Variants in PLXNA1 observed in about 807,000 individuals in gnomAD.
PLXNA1 encodes the protein plexin A1.
A neutral mutation model predicts 191.7 loss-of-function variants in PLXNA1; 77 were observed. That is an observed-to-expected ratio of 0.40 (90% CI 0.33 to 0.49). The LOEUF (loss-of-function observed/expected upper bound fraction) is 0.49. PLXNA1 is among the 20% of genes least tolerant of loss of function. PLXNA1 has a pLI of 0.63. For missense variants in PLXNA1, 2,110 were observed against 2,660.2 expected (o/e 0.79, Z 4.55); for synonymous variants, 1,137 against 1,156.4 (o/e 0.98, Z 0.34).
chr3:127,020,143 T>A, intron 20 of PLXNA1, 59 bp from the exon 21 acceptor site: 2 of 1,590,160 alleles, frequency 1.3e-6, no homozygotes, highest in East Asian at 4.5e-5. Context: ...AGTGGGAGGG[T>A]TGGGGCATGG....
At chr3:126,994,630 T>C (rs1263404056) in intron 3 of PLXNA1, among the ~76,000 whole-genome samples, 1 of 152,174 alleles carries the variant, frequency 6.6e-6, no homozygotes, top group African/African-American at 2.4e-5. Flanking sequence ...GAAGGATGCT[T>C]GCTCCCCGCT....
At chr3:127,018,241 C>T in intron 19 of PLXNA1, 53 bp from the exon 20 acceptor site, 1 of 1,490,930 alleles carries the variant, frequency 6.7e-7, no homozygotes, top group Non-Finnish European at 9.1e-7. Context: ...GAGGGGCTCC[C>T]AAGCTTTGTG....
intron 14 of PLXNA1, 90 bp downstream of exon 14, chr3:127,014,921 C>T: frequency 6.6e-7 from 1 of 1,523,608 alleles, no homozygotes; most frequent in Non-Finnish European, 8.8e-7. Flanking sequence ...GGCCCCTTGT[C>T]TGGCCATGCT....
At position 127,033,999 on chromosome 3, in the gene PLXNA1, G is replaced by A. The variant is rs368450040; in HGVS notation, c.5673G>A (p.Thr1891=). Residue 1891 remains threonine (T), a synonymous_variant, in exon 32 of 32, where the codon ACG becomes ACA. Transcript: ENST00000393409. ...GCAAGCTGGAGCAGGTGGTGGACAC[G>A]ATGGCCCTGAGCAGCTGAGCCCCAG... ...LRSKLEQVVD[T]MALSS is the part of the protein sequence containing the mutation. 11 of 1,602,312 alleles carry A rather than the reference G, an allele frequency of 6.9e-6. No individual in the cohort carries two copies. Among genetic ancestry groups the A allele is most frequent in the South Asian group, 4.5e-5 (4 of 88,392 alleles).
intron 3 of PLXNA1, among the ~76,000 whole-genome samples, chr3:127,000,475 C>T (rs2079034971): frequency 6.6e-6 from 1 of 152,186 alleles, no homozygotes; most frequent in Admixed American, 6.5e-5. Flanking sequence ...CCCGCTCTGG[C>T]CCCAGGTTCA....
rs934177955 is a variant in PLXNA1, at chr3:127,020,338, G to A, written c.4032G>A (p.Glu1344=). The change falls in exon 21 of 32, where the codon GAG becomes GAA. Residue 1344 remains glutamate (E), a synonymous_variant. Transcript: ENST00000393409. ...TCGAGGACCACCCTGTGCTCAAGGA[G>A]ATGGAGGTAGGACCACTGGCTCCGG... is the stretch of plus-strand genomic sequence containing the variant. ...PGIEDHPVLK[E]MEVQANVEKS... 3.7e-6 allele frequency: 6 copies of A among 1,612,722 alleles called. No homozygotes were observed. The highest frequency in any genetic ancestry group is 4.2e-6 in the Non-Finnish European group (5 of 1,179,868).
intron 9 of PLXNA1, 80 bp downstream of exon 9, chr3:127,007,993 T>A: frequency 1.1e-6 from 1 of 931,056 alleles, no homozygotes; most frequent in Non-Finnish European, 1.7e-6. Flanking sequence ...GGGTGTCGCC[T>A]GAGGCCTGGC....
rs74642884 is a variant in PLXNA1 at position 126,992,315 on chromosome 3, A to C, written c.1377+749A>C. 4.1e-4 allele frequency among the ~76,000 whole-genome samples: 63 copies of C among 152,074 alleles called. No homozygotes were observed. The East Asian group carries it at 0.012, about 29-fold the overall frequency. Reference sequence around the variant, plus strand: ...CCCGGAGAGACTGAAGGGTGGGGATACTTGGACACCCCAGAGGCCCAGTGG... The same window carrying C: ...CCCGGAGAGACTGAAGGGTGGGGATCCTTGGACACCCCAGAGGCCCAGTGG... On this transcript the variant is annotated intron_variant, in intron 3 of 31. Transcript: ENST00000393409.
In PLXNA1 at chr3:127,029,027, G is replaced by T. The variant is rs146238434; in HGVS notation, c.4704G>T (p.Leu1568=). ...WRQGRMARII[L]QDEDVTTKID... ...AGGGCCGCATGGCGCGCATCATCCT[G>T]CAGGACGAGGACGTCACCACCAAGA... Residue 1568 remains leucine, a synonymous_variant, in exon 26 of 32, where the codon CTG becomes CTT. Transcript: ENST00000393409. 6 of 1,613,554 alleles carry T rather than the reference G, an allele frequency of 3.7e-6. No homozygotes were observed. The highest frequency in any genetic ancestry group is 4.2e-6 in the Non-Finnish European group (5 of 1,179,928).
Position 127,033,952 on chromosome 3 carries a change from G to T in PLXNA1, c.5626G>T (p.Ala1876Ser). The T allele has an allele frequency of 6.2e-7, 1 of 1,605,858 alleles. No homozygotes were observed. Among genetic ancestry groups the T allele is most frequent in the Non-Finnish European group, 8.5e-7 (1 of 1,177,536 alleles). Residue 1876 changes from alanine to serine, a missense_variant, in exon 32 of 32, where the codon GCG becomes TCG. Ala to Ser is a moderately conservative substitution (Grantham distance 99). Transcript: ENST00000393409. ...ILAALEKDEQARRQRLRSKLE... is the reference protein window; with the variant it reads ...ILAALEKDEQSRRQRLRSKLE... Reference sequence around the variant, plus strand: ...GGCAGCCCTGGAGAAGGATGAGCAGGCGCGGCGGCAGCGGCTGCGGAGCAA... The same window carrying T: ...GGCAGCCCTGGAGAAGGATGAGCAGTCGCGGCGGCAGCGGCTGCGGAGCAA...
At chr3:127,018,565 C>T in intron 20 of PLXNA1, 37 bp downstream of exon 20, 1 of 1,537,310 alleles carries the variant, frequency 6.5e-7, no homozygotes, top group African/African-American at 1.4e-5. Flanking sequence ...GCAACTGCCA[C>T]CTCCGAGCCA....
intron 3 of PLXNA1, among the ~76,000 whole-genome samples, chr3:126,995,937 G>A (rs1228674407): frequency 2.0e-5 from 3 of 152,282 alleles, no homozygotes; most frequent in African/African-American, 4.8e-5. Flanking sequence ...TCCCTGTGGC[G>A]GTCCCTGCAC....
intron 7 of PLXNA1, 117 bp downstream of exon 7, chr3:127,005,360 G>A: frequency 1.0e-5 from 13 of 1,292,108 alleles, no homozygotes; most frequent in Non-Finnish European, 1.4e-5. Context: ...GTGACACTCT[G>A]ACAGCTGATA....
Position 127,028,177 on chromosome 3 carries a change from G to A in PLXNA1, c.4510-4G>A, listed in dbSNP as rs75945701. On this transcript the variant is annotated splice_region_variant and splice_polypyrimidine_tract_variant and intron_variant, in intron 24 of 31. Transcript: ENST00000393409. ...GCTGCCCCCTTGCTCCACCCCGCCC[G>A]CAGACCCTGAACTGTGTGAACCCTG... The A allele has an allele frequency of 7.4e-4, 1,192 of 1,612,692 alleles. 5 individuals carry two copies. The African/African-American group carries it at 0.012, about 17-fold the overall frequency.
At chr3:126,994,886 C>T (rs1480420005) in intron 3 of PLXNA1, among the ~76,000 whole-genome samples, 1 of 152,042 alleles carries the variant, frequency 6.6e-6, no homozygotes, top group African/African-American at 2.4e-5. Flanking sequence ...CTTCTCCTTC[C>T]CTGAGGCAGC....
In PLXNA1 at chr3:127,029,877, G is replaced by T; in HGVS notation, c.4874G>T (p.Ser1625Ile). The T allele has an allele frequency of 6.2e-7, 1 of 1,606,374 alleles. No homozygotes were observed. The highest frequency in any genetic ancestry group is 1.7e-5 in the Admixed American group (1 of 59,800). ...CGCTGACAGCCTGGTGCTGCAGAGAGCATGCTGCGCACGGCCAGCAGCCCC... is the reference window on the plus strand; with the variant it reads ...CGCTGACAGCCTGGTGCTGCAGAGATCATGCTGCGCACGGCCAGCAGCCCC... ...TFTKSLSRYE[S>I]MLRTASSPDS... The change falls in exon 28 of 32, where the codon AGC becomes ATC. Residue 1625 changes from serine to isoleucine, a missense_variant. Transcript: ENST00000393409.
At position 127,032,441 on chromosome 3, in the gene PLXNA1, C is replaced by T. The variant is rs1178758447; in HGVS notation, c.5286C>T (p.Asp1762=). The T allele has an allele frequency of 1.9e-6, 3 of 1,614,028 alleles. No individual in the cohort carries two copies. Among genetic ancestry groups the T allele is most frequent in the Admixed American group, 3.3e-5 (2 of 60,024 alleles). The part of the protein sequence containing the change: ...NVIKNPQFVF[D]IHKNSITDAC... ...TCAAGAACCCACAGTTTGTGTTCGA[C>T]ATTCACAAGAACAGCATCACGGACG... Residue 1762 remains aspartate, a synonymous_variant, in exon 30 of 32, where the codon GAC becomes GAT. Coordinates refer to ENST00000393409, the MANE Select transcript of PLXNA1 (RefSeq NM_032242.4).
At chr3:127,030,623 C>A (rs1378236593) in intron 29 of PLXNA1, among the ~76,000 whole-genome samples, 2 of 152,234 alleles carry the variant, frequency 1.3e-5, no homozygotes, top group African/African-American at 4.8e-5. Context: ...CTGCTCCAGC[C>A]GCTGAGCCCC....
At chr3:126,983,606 G>T (rs2107618238) in intron 1 of PLXNA1, among the ~76,000 whole-genome samples, 1 of 147,906 alleles carries the variant, frequency 6.8e-6, no homozygotes, top group East Asian at 2.0e-4. Flanking sequence ...CAGCGCCGCG[G>T]CCTCCCCCGC....
Sources: gnomAD v4.1 joint callset for allele counts (sites outside exome capture counted in the v4.1 genomes callset) on GRCh38, gnomAD v4.1.1 for gene constraint, MANE v1.5 for transcripts, NCBI Gene and HGNC (gene_info 2026-07-23, HGNC 2026-07-21) for gene names.